The following MYOZ2 variants were observed in gnomAD, a reference collection of about 807,000 sequenced individuals.
MYOZ2 encodes myozenin 2, also known as myozenin-2.
In MYOZ2, 19 loss-of-function variants were observed where a neutral mutation model predicts 25.4. The ratio of observed to expected loss-of-function variants is 0.75; its 90% CI spans 0.52 to 1.10. MYOZ2 has a LOEUF of 1.10. Ranked by LOEUF, MYOZ2 falls within the 50% of genes least tolerant of loss-of-function variation. The probability of loss-of-function intolerance (pLI) is 0.00; values close to 1 mark genes in which losing one functional copy is unlikely to be tolerated. For missense variants in MYOZ2, 270 were observed against 317.9 expected, an observed-to-expected ratio of 0.85 and a Z score of 1.15; for synonymous variants, 92 against 106.9, an observed-to-expected ratio of 0.86 and a Z score of 0.86.
intron 3 of MYOZ2, among the ~76,000 whole-genome samples, chr4:119,154,890 C>CAA (rs869068360): frequency 1.4e-5 from 2 of 147,612 alleles, no homozygotes; most frequent in African/African-American, 5.0e-5. Context: ...CACACACACA[C>CAA]AATGCCTTTC....
chr4:119,177,157 T>C (rs1017648999), intron 5 of MYOZ2, among the ~76,000 whole-genome samples: 3 of 152,244 alleles, frequency 2.0e-5, no homozygotes, highest in African/African-American at 4.8e-5. Context: ...CTTTGCTCAC[T>C]ATTTCTACCT....
chr4:119,165,921 T>A (rs866525943), intron 5 of MYOZ2, among the ~76,000 whole-genome samples: 21 of 152,172 alleles, frequency 1.4e-4, no homozygotes, highest in African/African-American at 4.8e-4. Context: ...GAGATGCCTA[T>A]TGACTGTATA....
At chr4:119,185,879 A>G (rs1054147230) in intron 5 of MYOZ2, 87 bp from the exon 6 acceptor site, 2 of 1,097,018 alleles carry the variant, frequency 1.8e-6, no homozygotes, top group African/African-American at 3.2e-5. Flanking sequence ...CACCCATAAA[A>G]TCATGCCTAT....
intron 5 of MYOZ2, among the ~76,000 whole-genome samples, chr4:119,178,970 A>G (rs1742134232): frequency 6.6e-6 from 1 of 152,198 alleles, no homozygotes; most frequent in South Asian, 2.1e-4. Flanking sequence ...TATTTTGATT[A>G]CTGCAAAAGC....
chr4:119,150,640 C>G (rs1461208419), intron 2 of MYOZ2, among the ~76,000 whole-genome samples: 2 of 151,950 alleles, frequency 1.3e-5, no homozygotes, highest in African/African-American at 4.8e-5. Flanking sequence ...AGGTACCAGG[C>G]TACATGCTTT....
intron 5 of MYOZ2, among the ~76,000 whole-genome samples, chr4:119,180,597 A>G (rs1283264231): frequency 6.6e-6 from 1 of 152,204 alleles, no homozygotes; most frequent in Non-Finnish European, 1.5e-5. Flanking sequence ...CTCGTCACCC[A>G]TGCTGGAGTG....
intron 2 of MYOZ2, among the ~76,000 whole-genome samples, chr4:119,142,310 C>T (rs571408069): frequency 1.3e-5 from 2 of 149,472 alleles, no homozygotes; most frequent in African/African-American, 4.8e-5. Flanking sequence ...CGTAACGTCT[C>T]TTCTATCTTT....
At position 119,158,098 on chromosome 4, in the gene MYOZ2, C is replaced by T; in HGVS notation, c.323C>T (p.Pro108Leu). 1 of 1,614,038 alleles carries T rather than the reference C, an allele frequency of 6.2e-7. No individual in the cohort carries two copies. The highest frequency in any genetic ancestry group is 1.1e-5 in the South Asian group (1 of 91,078). ...EGGSQQAPLT[P>L]PNTPDPRSPP... ...GGTTCGCAGCAAGCCCCCTTGACTC[C>T]TCCCAACACCCCAGATCCACGAAGC... Residue 108 changes from proline to leucine, a missense_variant, in exon 4 of 6, where the codon CCT (proline) becomes CTT (leucine). Transcript: ENST00000307128.
At chr4:119,165,183 A>G (rs1365001502) in intron 5 of MYOZ2, among the ~76,000 whole-genome samples, 1 of 151,302 alleles carries the variant, frequency 6.6e-6, no homozygotes, top group Non-Finnish European at 1.5e-5. Context: ...TTATTTAAAA[A>G]AAGAATGCCA....
chr4:119,159,616 T>G (rs1274022074), intron 4 of MYOZ2, among the ~76,000 whole-genome samples: 1 of 152,148 alleles, frequency 6.6e-6, no homozygotes, highest in Non-Finnish European at 1.5e-5. Context: ...TTTAAAATAG[T>G]TATATCTTGA....
chr4:119,167,381 G>A (rs1477190719), intron 5 of MYOZ2, among the ~76,000 whole-genome samples: 1 of 152,202 alleles, frequency 6.6e-6, no homozygotes, highest in African/African-American at 2.4e-5. Flanking sequence ...AGAGGCAAGG[G>A]AGTTGCAGAA....
chr4:119,162,577 T>G (rs1327406935), intron 4 of MYOZ2, among the ~76,000 whole-genome samples: 1 of 152,224 alleles, frequency 6.6e-6, no homozygotes, highest in Non-Finnish European at 1.5e-5. Context: ...GTAGACCACC[T>G]GCATAAGATT....
intron 5 of MYOZ2, among the ~76,000 whole-genome samples, chr4:119,185,234 G>A (rs780096849): frequency 1.3e-5 from 2 of 150,598 alleles, no homozygotes; most frequent in African/African-American, 4.9e-5. Flanking sequence ...GGTCTCAAAC[G>A]CCTGGGCTCA....
At chr4:119,160,317 AGT>A (rs1033279543) in intron 4 of MYOZ2, among the ~76,000 whole-genome samples, 1 of 101,096 alleles carries the variant, frequency 9.9e-6, no homozygotes, top group African/African-American at 3.2e-5. Context: ...TACTTTTTGG[AGT>A]TTTTTTTTTT....
intron 3 of MYOZ2, among the ~76,000 whole-genome samples, chr4:119,151,769 T>A (rs1741455207): frequency 6.6e-6 from 1 of 152,144 alleles, no homozygotes. Context: ...GAATAGTGCA[T>A]TCGTCCTAAA....
rs144720577 is a variant in MYOZ2, at chr4:119,164,237, C to A, written c.403C>A (p.Pro135Thr). 5.6e-6 allele frequency: 9 copies of A among 1,613,852 alleles called. No individual in the cohort carries two copies. In the African/African-American group the frequency reaches 1.1e-4, roughly 19 times the overall value. The change falls in exon 5 of 6, where the codon CCT becomes ACT. Residue 135 changes from proline (P) to threonine (T), a missense_variant. Pro to Thr is a conservative substitution (Grantham distance 38). Coordinates refer to ENST00000307128, the MANE Select transcript of MYOZ2 (RefSeq NM_016599.5). ...PGYSGPLKEI[P>T]PEKFNTTAVP... is the part of the protein sequence containing the mutation. ...ATATTCTGGACCACTGAAGGAAATT[C>A]CTCCTGAAAAATTCAACACCACAGC...
At chr4:119,159,857 C>G (rs550980635) in intron 4 of MYOZ2, among the ~76,000 whole-genome samples, 4 of 151,956 alleles carry the variant, frequency 2.6e-5, no homozygotes, top group South Asian at 4.2e-4. Flanking sequence ...AAAATAATAC[C>G]GAAGGAAACC....
intron 3 of MYOZ2, among the ~76,000 whole-genome samples, chr4:119,153,468 C>T (rs1036928601): frequency 6.6e-6 from 1 of 151,996 alleles, no homozygotes; most frequent in Admixed American, 6.6e-5. Flanking sequence ...GATAAGAGAG[C>T]TTTTATTTAC....
chr4:119,179,565 C>CT (rs958177521), intron 5 of MYOZ2, among the ~76,000 whole-genome samples: 4 of 151,762 alleles, frequency 2.6e-5, no homozygotes, highest in African/African-American at 9.7e-5. Context: ...GTGTCCCTAT[C>CT]TACAGGGTAG....
Sources: gnomAD v4.1 joint callset for allele counts (sites outside exome capture counted in the v4.1 genomes callset) on GRCh38, gnomAD v4.1.1 for gene constraint, MANE v1.5 for transcripts, NCBI Gene and HGNC (gene_info 2026-07-23, HGNC 2026-07-21) for gene names.